The following UNC5C variants were observed in gnomAD, a reference collection of about 807,000 sequenced individuals.
UNC5C encodes the protein unc-5 netrin receptor C, also known as netrin receptor UNC5C.
UNC5C carries 47 observed loss-of-function variants against 99.8 expected under a neutral mutation model. That is an observed-to-expected ratio of 0.47 (90% confidence interval 0.37 to 0.60). UNC5C has a LOEUF of 0.60. Ranked by LOEUF, UNC5C falls within the 20% of genes least tolerant of loss-of-function variation. UNC5C has a pLI of 0.00. For missense variants in UNC5C, 1,062 were observed against 1,165.9 expected (o/e 0.91, Z 1.30); for synonymous variants, 487 against 452.2 (o/e 1.08, Z -0.98).
At chr4:95,515,658 C>A (rs973014307) in intron 1 of UNC5C, among the ~76,000 whole-genome samples, 1 of 152,202 alleles carries the variant, frequency 6.6e-6, no homozygotes, top group Non-Finnish European at 1.5e-5. Context: ...CAATAGTCAA[C>A]AGATGTTCAA....
rs1741890954 is a variant in UNC5C, at chr4:95,301,756, A to C, written c.347-7T>G. 5.0e-6 allele frequency: 8 copies of C among 1,611,760 alleles called. No individual in the cohort carries two copies. The highest frequency in any genetic ancestry group is 6.8e-6 in the Non-Finnish European group (8 of 1,179,654). On this transcript the variant is annotated splice_polypyrimidine_tract_variant and splice_region_variant and intron_variant, in intron 2 of 15. Coordinates refer to ENST00000453304, the MANE Select transcript of UNC5C (RefSeq NM_003728.4). ...ACTTCCCGGACAATGAGACCTGACA[A>C]GAGAAAAAGAAAGATTTAAGTCAAC...
At chr4:95,198,455 A>AATAG (rs1191313804) in intron 12 of UNC5C, among the ~76,000 whole-genome samples, 1 of 152,204 alleles carries the variant, frequency 6.6e-6, no homozygotes, top group Non-Finnish European at 1.5e-5. Context: ...TATGCCAGTG[A>AATAG]ATAGATAATG....
chr4:95,422,894 A>C (rs1480546137), intron 1 of UNC5C, among the ~76,000 whole-genome samples: 1 of 152,232 alleles, frequency 6.6e-6, no homozygotes, highest in Non-Finnish European at 1.5e-5. Flanking sequence ...CAAAACATGA[A>C]TACTATGAGG....
chr4:95,524,279 T>C (rs1301825767), intron 1 of UNC5C, among the ~76,000 whole-genome samples: 2 of 152,216 alleles, frequency 1.3e-5, no homozygotes, highest in African/African-American at 4.8e-5. Flanking sequence ...TACTTCAAAC[T>C]GGTAGAGCCT....
At chr4:95,229,796 CCTTT>C (rs1430959298) in intron 7 of UNC5C, among the ~76,000 whole-genome samples, 1 of 112,254 alleles carries the variant, frequency 8.9e-6, no homozygotes, top group Non-Finnish European at 1.8e-5. Context: ...TCTGTTGTTT[CCTTT>C]TTTTTTTTTT....
chr4:95,354,398 T>C (rs933665891), intron 1 of UNC5C, among the ~76,000 whole-genome samples: 3 of 151,076 alleles, frequency 2.0e-5, no homozygotes, highest in African/African-American at 7.3e-5. Flanking sequence ...TATCATCCTA[T>C]GCACACAACA....
chr4:95,243,006 G>A (rs1739381718), intron 6 of UNC5C, among the ~76,000 whole-genome samples: 1 of 152,172 alleles, frequency 6.6e-6, no homozygotes, highest in Non-Finnish European at 1.5e-5. Flanking sequence ...AAGCTCATGT[G>A]AGAATTCAGA....
intron 1 of UNC5C, among the ~76,000 whole-genome samples, chr4:95,370,105 G>A (rs1224766018): frequency 1.3e-5 from 2 of 152,182 alleles, no homozygotes; most frequent in African/African-American, 4.8e-5. Flanking sequence ...GTAGCCATAT[G>A]TGGCTATTGA....
chr4:95,313,644 G>GA (rs1742360094), intron 2 of UNC5C, among the ~76,000 whole-genome samples: 1 of 152,132 alleles, frequency 6.6e-6, no homozygotes, highest in Admixed American at 6.6e-5. Flanking sequence ...AATCACTTCT[G>GA]AGTGACTACC....
intron 1 of UNC5C, among the ~76,000 whole-genome samples, chr4:95,436,597 AGGTT>A (rs1217168892): frequency 2.6e-5 from 4 of 151,962 alleles, no homozygotes; most frequent in Non-Finnish European, 5.9e-5. Context: ...AAAAGGCCCC[AGGTT>A]GTTTCTCTTA....
chr4:95,210,792 G>A (rs1329712664), intron 10 of UNC5C, among the ~76,000 whole-genome samples: 1 of 152,154 alleles, frequency 6.6e-6, no homozygotes, highest in Non-Finnish European at 1.5e-5. Flanking sequence ...TTTCCTGTCA[G>A]AAATATTTTC....
rs771476437 is a variant in UNC5C, at chr4:95,169,227, A to C, written c.*7T>G. The stretch of plus-strand genomic sequence containing the variant: ...TTTGTCCTTCATTTCCCCTTCCAGC[A>C]TGGTGGTTAATACTGCCCTTCTGCT... On this transcript the variant is annotated 3_prime_UTR_variant, in exon 16 of 16. Coordinates refer to ENST00000453304, the MANE Select transcript of UNC5C (RefSeq NM_003728.4). The C allele has an allele frequency of 1.2e-6, 2 of 1,613,212 alleles. No individual in the cohort carries two copies. Among genetic ancestry groups the C allele is most frequent in the African/African-American group, 1.3e-5 (1 of 74,884 alleles).
chr4:95,195,567 T>C (rs1406287216), intron 12 of UNC5C, among the ~76,000 whole-genome samples: 1 of 151,560 alleles, frequency 6.6e-6, no homozygotes, highest in Non-Finnish European at 1.5e-5. Context: ...GCGTGAGGAG[T>C]TCAGAGTTCG....
intron 1 of UNC5C, among the ~76,000 whole-genome samples, chr4:95,481,925 T>A (rs1721168897): frequency 1.3e-5 from 2 of 151,872 alleles, no homozygotes; most frequent in Non-Finnish European, 2.9e-5. Context: ...AACCTAGGCA[T>A]TACCATTCAG....
chr4:95,467,241 G>T (rs1456713954), intron 1 of UNC5C, among the ~76,000 whole-genome samples: 1 of 152,150 alleles, frequency 6.6e-6, no homozygotes, highest in African/African-American at 2.4e-5. Flanking sequence ...AATGACCAAT[G>T]TTTTTGTTTT....
intron 4 of UNC5C, among the ~76,000 whole-genome samples, chr4:95,261,274 T>A (rs1425277320): frequency 6.6e-6 from 1 of 152,150 alleles, no homozygotes; most frequent in African/African-American, 2.4e-5. Context: ...TTGGACACAC[T>A]TTCTGTTATC....
intron 12 of UNC5C, among the ~76,000 whole-genome samples, chr4:95,196,207 T>C (rs1319754074): frequency 1.3e-5 from 2 of 152,176 alleles, no homozygotes; most frequent in African/African-American, 4.8e-5. Flanking sequence ...CTATTTATAC[T>C]AGGATTTAAG....
At chr4:95,174,854 C>A in intron 14 of UNC5C, among the ~76,000 whole-genome samples, 1 of 149,294 alleles carries the variant, frequency 6.7e-6, no homozygotes, top group Non-Finnish European at 1.5e-5. Flanking sequence ...GTTAAAATCT[C>A]CCATTATTAA....
intron 2 of UNC5C, among the ~76,000 whole-genome samples, chr4:95,328,395 T>C (rs1337626929): frequency 8.4e-5 from 10 of 119,476 alleles, no homozygotes; most frequent in Non-Finnish European, 3.6e-5. Context: ...GGACATGAAC[T>C]CATCATTTTT....
Sources: allele counts gnomAD v4.1 joint callset (sites outside exome capture counted in the v4.1 genomes callset), GRCh38; gene constraint gnomAD v4.1.1; transcripts MANE v1.5; gene names NCBI Gene and HGNC (gene_info 2026-07-23, HGNC 2026-07-21).